The following MXI1 variants were observed in gnomAD, a reference collection of about 807,000 sequenced individuals.
MXI1 encodes max-interacting protein 1.
Under a neutral mutation model 36.9 loss-of-function variants are expected in MXI1, and 18 were observed. That is an observed-to-expected ratio of 0.49 (90% CI 0.34 to 0.72). MXI1 has a LOEUF of 0.72. Ranked by LOEUF, MXI1 falls within the 30% of genes least tolerant of loss-of-function variation. The pLI is 0.01. For missense variants in MXI1, 304 were observed against 379.1 expected (o/e 0.80, Z 1.64); for synonymous variants, 160 against 146.7 (o/e 1.09, Z -0.65).
intron 1 of MXI1, among the ~76,000 whole-genome samples, chr10:110,213,609 G>C (rs1854560171): frequency 6.6e-6 from 1 of 152,190 alleles, no homozygotes. Flanking sequence ...AGCTCCCAAG[G>C]ACTGTGTGTC....
chr10:110,268,114 C>A (rs1031673577), intron 3 of MXI1, among the ~76,000 whole-genome samples: 7 of 152,194 alleles, frequency 4.6e-5, no homozygotes, highest in Non-Finnish European at 8.8e-5. Context: ...AGCCACACAA[C>A]CTGCCTGATG....
chr10:110,274,977 C>T (rs188250977), intron 3 of MXI1, among the ~76,000 whole-genome samples: 44 of 147,636 alleles, frequency 3.0e-4, no homozygotes, highest in Non-Finnish European at 1.2e-4. Context: ...TGGGTTCAAG[C>T]GATTCTCCTG....
At chr10:110,231,165 G>A (rs866691572) in intron 2 of MXI1, among the ~76,000 whole-genome samples, 2 of 152,106 alleles carry the variant, frequency 1.3e-5, no homozygotes, top group African/African-American at 2.4e-5. Context: ...TCAGGAGTTC[G>A]AGACCAGCCT....
At chr10:110,238,368 C>G (rs1194910973) in intron 2 of MXI1, among the ~76,000 whole-genome samples, 1 of 152,140 alleles carries the variant, frequency 6.6e-6, no homozygotes, top group Non-Finnish European at 1.5e-5. Context: ...ATAATGAAGA[C>G]ACACCTAATT....
intron 3 of MXI1, among the ~76,000 whole-genome samples, chr10:110,261,388 A>C (rs1856504690): frequency 1.3e-5 from 2 of 150,070 alleles, no homozygotes; most frequent in South Asian, 4.2e-4. Context: ...TTCACTTCTC[A>C]TTGTCCCCCT....
intron 3 of MXI1, chr10:110,260,864 T>G (rs1006864641): frequency 7.0e-6 from 2 of 286,278 alleles, no homozygotes. Flanking sequence ...TAAGGAAATG[T>G]AGTTAATCTG....
intron 1 of MXI1, among the ~76,000 whole-genome samples, chr10:110,213,531 C>T (rs1441501228): frequency 1.3e-5 from 2 of 152,178 alleles, no homozygotes; most frequent in African/African-American, 4.8e-5. Flanking sequence ...TAAATATGAT[C>T]TCTGCTGACT....
At chr10:110,211,184 G>C (rs1272690934) in intron 1 of MXI1, among the ~76,000 whole-genome samples, 1 of 151,074 alleles carries the variant, frequency 6.6e-6, no homozygotes, top group African/African-American at 2.4e-5. Flanking sequence ...ACTTGATCTC[G>C]GTTTCTCCGC....
chr10:110,282,460 C>CA (rs1554860127), intron 5 of MXI1, among the ~76,000 whole-genome samples: 14 of 152,194 alleles, frequency 9.2e-5, no homozygotes, highest in Non-Finnish European at 1.9e-4. Context: ...GTACATGCTA[C>CA]ATTTATCAGT....
At chr10:110,237,601 C>G (rs760331856) in intron 2 of MXI1, among the ~76,000 whole-genome samples, 2 of 152,256 alleles carry the variant, frequency 1.3e-5, no homozygotes, top group African/African-American at 2.4e-5. Context: ...AAACAAACTT[C>G]ACAGGTTTGA....
rs539916911 is a variant in MXI1 at position 110,245,469 on chromosome 10, A to G, written c.437+612A>G. 2.6e-5 allele frequency among the ~76,000 whole-genome samples: 4 copies of G among 152,308 alleles called. No homozygotes were observed. In the South Asian group the frequency reaches 8.3e-4, roughly 32 times the overall value. On this transcript the variant is annotated intron_variant, in intron 3 of 5. Transcript: ENST00000332674. The stretch of plus-strand genomic sequence containing the variant: ...AGAAGGTACTAGAGGGTACTGAAAG[A>G]TATTTTAGAAGGTCACCTGATACCT...
At chr10:110,240,274 T>A (rs912751387) in intron 2 of MXI1, among the ~76,000 whole-genome samples, 1 of 152,096 alleles carries the variant, frequency 6.6e-6, no homozygotes, top group African/African-American at 2.4e-5. Context: ...GCTTGGTATA[T>A]GCCTGTAAGT....
At chr10:110,266,229 T>A (rs1218375482) in intron 3 of MXI1, among the ~76,000 whole-genome samples, 1 of 151,998 alleles carries the variant, frequency 6.6e-6, no homozygotes, top group Non-Finnish European at 1.5e-5. Context: ...TGCTTCAGCC[T>A]CCTGAGTAGC....
rs555249529 is a variant in MXI1 at position 110,221,237 on chromosome 10, C to G, written c.275-6952C>G. 4.6e-5 allele frequency among the ~76,000 whole-genome samples: 7 copies of G among 152,332 alleles called. No individual in the cohort carries two copies. The East Asian group carries it at 1.3e-3, about 29-fold the overall frequency. ...GGGTTTAAAAAAGCCTGAGTTCTAA[C>G]CCTTATTCCATCAGTTTGATAGACA... On this transcript the variant is annotated intron_variant, in intron 1 of 5. Coordinates refer to ENST00000332674, the MANE Select transcript of MXI1 (RefSeq NM_130439.3).
At chr10:110,246,348 AT>A (rs935568454) in intron 3 of MXI1, among the ~76,000 whole-genome samples, 1 of 152,006 alleles carries the variant, frequency 6.6e-6, no homozygotes, top group African/African-American at 2.4e-5. Context: ...GAGAGATTAG[AT>A]TAATAACAAA....
At chr10:110,226,244 C>T (rs766701023) in intron 1 of MXI1, 19 of 1,501,274 alleles carry the variant, frequency 1.3e-5, no homozygotes, top group African/African-American at 8.6e-5. Context: ...CGTGCAGCGT[C>T]TGCTGGAGGC....
At chr10:110,225,924 GC>G (rs1854948771) in intron 1 of MXI1, 1 of 776,348 alleles carries the variant, frequency 1.3e-6, no homozygotes, top group East Asian at 1.3e-4. Flanking sequence ...TTCCCAGGGG[GC>G]AGAGGCAGGG....
chr10:110,208,361 G>A lies in MXI1; in HGVS notation c.274+279G>A, dbSNP rs572311984. 5.4e-4 allele frequency: 152 copies of A among 281,920 alleles called. 1 individual carries two copies. The highest frequency in any genetic ancestry group is 3.3e-3 in the African/African-American group (144 of 43,990). The allele number at this position is 281,920 out of a possible 1,614,324, so 17.5% of individuals were successfully genotyped here. A position where few individuals can be genotyped will look rare whatever the true frequency, so the allele number is the denominator to read the frequency against. On this transcript the variant is annotated intron_variant, in intron 1 of 5. Transcript: ENST00000332674. ...GATGGCCCAGCGGAGGAGCGGGGGA[G>A]TGTTGTTGTTTGCTGACAACTGAGC...
At position 110,287,065 on chromosome 10, in the gene MXI1, C is replaced by G. The variant is rs149653820; in HGVS notation, c.*2078C>G. 2.0e-5 allele frequency: 3 copies of G among 152,288 alleles called. No homozygotes were observed. The East Asian group carries it at 5.8e-4, about 29-fold the overall frequency. 9.4% of individuals were successfully genotyped at this position (152,288 alleles called of 1,614,324 possible). A position where few individuals can be genotyped will look rare whatever the true frequency, so the allele number is the denominator to read the frequency against. On this transcript the variant is annotated 3_prime_UTR_variant, in exon 6 of 6. Coordinates refer to ENST00000332674, the MANE Select transcript of MXI1 (RefSeq NM_130439.3). ...GTGCTACCATACAAAGTGAATGAAG[C>G]CAGTGACTAAGCTTCTGTTTGTTTT...
Sources: allele counts gnomAD v4.1 joint callset (sites outside exome capture counted in the v4.1 genomes callset), GRCh38; gene constraint gnomAD v4.1.1; transcripts MANE v1.5; gene names NCBI Gene and HGNC (gene_info 2026-07-23, HGNC 2026-07-21).